The following NCKAP5 variants were observed in gnomAD, a reference collection of about 807,000 sequenced individuals.
NCKAP5 encodes the protein nck-associated protein 5.
Under a neutral mutation model 167.0 loss-of-function variants are expected in NCKAP5, and 92 were observed. The observed-to-expected ratio is 0.55, with a 90% CI of 0.47 to 0.66. The LOEUF is 0.66. Ranked by LOEUF, NCKAP5 falls within the 30% of genes least tolerant of loss-of-function variation. The pLI is 0.00. For missense variants in NCKAP5, 2,378 were observed against 2,315.0 expected, an observed-to-expected ratio of 1.03 and a Z score of -0.56; for synonymous variants, 891 against 877.4, an observed-to-expected ratio of 1.02 and a Z score of -0.27.
intron 6 of NCKAP5, among the ~76,000 whole-genome samples, chr2:133,054,362 C>T (rs753351581): frequency 1.3e-5 from 2 of 152,140 alleles, no homozygotes; most frequent in Non-Finnish European, 1.5e-5. Context: ...AAAGGCACAA[C>T]GTTCTATGAG....
At chr2:132,916,258 C>T (rs1694867738) in intron 8 of NCKAP5, among the ~76,000 whole-genome samples, 1 of 152,012 alleles carries the variant, frequency 6.6e-6, no homozygotes, top group Non-Finnish European at 1.5e-5. Flanking sequence ...CTTCCCTAGG[C>T]ATAGACTGAC....
intron 3 of NCKAP5, among the ~76,000 whole-genome samples, chr2:133,469,039 T>G (rs1344735578): frequency 1.3e-5 from 2 of 152,114 alleles, no homozygotes; most frequent in Non-Finnish European, 2.9e-5. Context: ...ATGTGTGAAT[T>G]TGATCCTGTC....
chr2:133,673,687 G>A, the NCKAP5 span, among the ~76,000 whole-genome samples: 8 of 152,182 alleles, frequency 5.3e-5, no homozygotes, highest in African/African-American at 7.2e-5. Context: ...GCCTACCACC[G>A]TTTATCTTGG....
chr2:133,163,077 A>T (rs1235641618), intron 5 of NCKAP5, among the ~76,000 whole-genome samples: 1 of 152,098 alleles, frequency 6.6e-6, no homozygotes, highest in Non-Finnish European at 1.5e-5. Context: ...ACCTTTATAC[A>T]TTTAAAAAGA....
At chr2:132,751,722 C>A (rs1205959762) in intron 16 of NCKAP5, among the ~76,000 whole-genome samples, 4 of 152,186 alleles carry the variant, frequency 2.6e-5, no homozygotes, top group African/African-American at 7.2e-5. Context: ...GAAGTGAAAG[C>A]AGGTCCCTGC....
chr2:133,655,920 A>G, the NCKAP5 span, among the ~76,000 whole-genome samples: 1 of 152,218 alleles, frequency 6.6e-6, no homozygotes, highest in African/African-American at 2.4e-5. Context: ...CATAGCAGAC[A>G]GAGTTCAGCA....
At chr2:132,796,780 C>T (rs1684643571) in intron 11 of NCKAP5, 51 bp from the exon 12 acceptor site, 1 of 1,265,290 alleles carries the variant, frequency 7.9e-7, no homozygotes, top group Admixed American at 1.9e-5. Context: ...AATTATTTGT[C>T]TCAAAATCCT....
intron 8 of NCKAP5, among the ~76,000 whole-genome samples, chr2:132,920,568 G>A (rs953764835): frequency 6.7e-6 from 1 of 149,100 alleles, no homozygotes; most frequent in Non-Finnish European, 1.5e-5. Flanking sequence ...TTGCCTGGGG[G>A]TGCTGTGTGT....
At chr2:133,605,222 T>C in the NCKAP5 span, among the ~76,000 whole-genome samples, 1 of 152,190 alleles carries the variant, frequency 6.6e-6, no homozygotes, top group Non-Finnish European at 1.5e-5. Flanking sequence ...TCTTCTCATA[T>C]AACGGCCTCC....
At chr2:133,216,722 C>G in intron 4 of NCKAP5, among the ~76,000 whole-genome samples, 1 of 152,086 alleles carries the variant, frequency 6.6e-6, no homozygotes, top group African/African-American at 2.4e-5. Context: ...AAAGATAATA[C>G]ATAATGTTTA....
chr2:132,675,833 C>T (rs1344494860), intron 19 of NCKAP5, among the ~76,000 whole-genome samples: 1 of 143,340 alleles, frequency 7.0e-6, no homozygotes, highest in African/African-American at 2.9e-5. Context: ...AAAGAAGGGA[C>T]CATTATTTAA....
chr2:132,929,529 G>A (rs1696195898), intron 8 of NCKAP5, among the ~76,000 whole-genome samples: 1 of 152,138 alleles, frequency 6.6e-6, no homozygotes, highest in Non-Finnish European at 1.5e-5. Context: ...TACAATTTAA[G>A]AAAATTAAAT....
chr2:133,240,673 C>T (rs1046242638), intron 4 of NCKAP5, among the ~76,000 whole-genome samples: 4 of 152,122 alleles, frequency 2.6e-5, no homozygotes, highest in African/African-American at 4.8e-5. Flanking sequence ...TTTTGCCAGG[C>T]GGGAGAGGAT....
At position 132,967,714 on chromosome 2, in the gene NCKAP5, T is replaced by C. The variant is rs569653876; in HGVS notation, c.430-3845A>G. On this transcript the variant is annotated intron_variant, in intron 7 of 19. Coordinates refer to ENST00000409261, the MANE Select transcript of NCKAP5 (RefSeq NM_207363.3). ...ATTTGCTGATCTAGCTAATGGAGTA[T>C]GGAAAACAAGACAAAGTTCCTATAT... Among the ~76,000 whole-genome samples the C allele has an allele frequency of 2.0e-5, 3 of 152,212 alleles. No homozygotes were observed. In the South Asian group the frequency reaches 6.2e-4, roughly 32 times the overall value.
chr2:132,767,004 G>T (rs756155030), intron 16 of NCKAP5, among the ~76,000 whole-genome samples: 1 of 152,176 alleles, frequency 6.6e-6, no homozygotes, highest in Admixed American at 6.5e-5. Context: ...CATTATACAT[G>T]ATGCTCCAAA....
chr2:133,055,450 G>C lies in NCKAP5; in HGVS notation c.342-61211C>G, dbSNP rs751441271. On this transcript the variant is annotated intron_variant, in intron 6 of 19. Coordinates refer to ENST00000409261, the MANE Select transcript of NCKAP5 (RefSeq NM_207363.3). ...AAAACGCCAGAAGATGGTGTGCTGC[G>C]AGATATCAGTTTAGATAAACTGTAT... Among the ~76,000 whole-genome samples, 4 of 143,830 alleles carry C rather than the reference G, an allele frequency of 2.8e-5. No individual in the cohort carries two copies. The Admixed American group carries it at 2.9e-4, about 10-fold the overall frequency. The allele number at this position is 143,830 out of a possible 152,430, so 94.4% of individuals were successfully genotyped here.
chr2:133,062,287 A>G (rs2080034720), intron 6 of NCKAP5, among the ~76,000 whole-genome samples: 1 of 152,224 alleles, frequency 6.6e-6, no homozygotes, highest in Non-Finnish European at 1.5e-5. Flanking sequence ...AAAACCAAAA[A>G]GTTAACGTAT....
chr2:133,027,345 C>CA (rs1437183031), intron 6 of NCKAP5, among the ~76,000 whole-genome samples: 1 of 152,168 alleles, frequency 6.6e-6, no homozygotes, highest in Non-Finnish European at 1.5e-5. Context: ...TGTCACTAAA[C>CA]AATTTATTGG....
chr2:133,321,716 T>C (rs1251061516), intron 3 of NCKAP5, among the ~76,000 whole-genome samples: 3 of 152,214 alleles, frequency 2.0e-5, no homozygotes, highest in South Asian at 2.1e-4. Flanking sequence ...CCTGACTCCA[T>C]TGGTTTCAAT....
Sources: allele counts gnomAD v4.1 joint callset (sites outside exome capture counted in the v4.1 genomes callset), GRCh38; gene constraint gnomAD v4.1.1; transcripts MANE v1.5; gene names NCBI Gene and HGNC (gene_info 2026-07-23, HGNC 2026-07-21).